Variants in SLCO3A1 observed in about 807,000 individuals in gnomAD.
SLCO3A1 encodes solute carrier organic anion transporter family member 3A1, also known as PGE1 transporter.
In SLCO3A1, 27 loss-of-function variants were observed where a neutral mutation model predicts 63.1. The ratio of observed to expected loss-of-function variants is 0.43; its 90% CI spans 0.32 to 0.59. The LOEUF (loss-of-function observed/expected upper bound fraction) is 0.59, where lower values mean the gene tolerates loss of function less well. SLCO3A1 is among the 20% of genes least tolerant of loss of function. The probability of loss-of-function intolerance (pLI) is 0.09; values close to 1 mark genes in which losing one functional copy is unlikely to be tolerated. For missense variants in SLCO3A1, 773 were observed against 945.8 expected (o/e 0.82, Z 2.40); for synonymous variants, 473 against 409.9 (o/e 1.15, Z -1.86).
intron 4 of SLCO3A1, among the ~76,000 whole-genome samples, chr15:92,112,646 C>T (rs190865301): frequency 2.0e-5 from 3 of 152,336 alleles, no homozygotes; most frequent in Admixed American, 2.0e-4. Flanking sequence ...CAGAGCTGGT[C>T]CTCCTGCATT....
In SLCO3A1 at chr15:92,138,534, G is replaced by A. The variant is rs2097851310; in HGVS notation, c.1513-8450G>A. Among the ~76,000 whole-genome samples, 6 of 110,908 alleles carry A rather than the reference G, an allele frequency of 5.4e-5. No homozygotes were observed. The South Asian group carries it at 1.6e-3, about 30-fold the overall frequency. 72.8% of individuals were successfully genotyped at this position (110,908 alleles called of 152,430 possible). A position where few individuals can be genotyped will look rare whatever the true frequency, so the allele number is the denominator to read the frequency against. ...AAGAAAGTCATTGGTAGCTTGATGG[G>A]GATGGCATTGAATCTATAAATTACC... On this transcript the variant is annotated intron_variant, in intron 7 of 9. Coordinates refer to ENST00000318445, the MANE Select transcript of SLCO3A1 (RefSeq NM_013272.4).
In SLCO3A1 at chr15:91,854,424, TCTC is replaced by T. The variant is rs1470267178; in HGVS notation, c.180+339_180+341del. ...CGGAGCGAGACGGTGAGTTCAGGGT[TCTC>T]CTTGGAGAGGAACGAAAAAGCGTCG... On this transcript the variant is annotated intron_variant, in intron 1 of 9. Transcript: ENST00000318445. The surrounding 1 kb of genome is among the most constrained non-coding windows in gnomAD (Gnocchi z 6.4). The T allele has an allele frequency of 9.9e-7, 1 of 1,012,476 alleles. No homozygotes were observed. Among genetic ancestry groups the T allele is most frequent in the Non-Finnish European group, 1.2e-6 (1 of 843,348 alleles). 62.7% of individuals were successfully genotyped at this position (1,012,476 alleles called of 1,614,324 possible). A position where few individuals can be genotyped will look rare whatever the true frequency, so the allele number is the denominator to read the frequency against.
intron 4 of SLCO3A1, among the ~76,000 whole-genome samples, chr15:92,113,494 G>A (rs1468144059): frequency 6.6e-6 from 1 of 152,192 alleles, no homozygotes; most frequent in African/African-American, 2.4e-5. Context: ...GCCACAAGGT[G>A]CAAAGGAAGC....
intron 7 of SLCO3A1, among the ~76,000 whole-genome samples, chr15:92,145,999 A>G (rs740432): frequency 0.39 from 59,214 of 151,884 alleles, 12,024 homozygotes; most frequent in African/African-American, 0.5. Flanking sequence ...GGAGGACCAG[A>G]GGAGGAGAAC....
chr15:91,881,771 A>G (rs1277582739), intron 1 of SLCO3A1, among the ~76,000 whole-genome samples: 1 of 152,172 alleles, frequency 6.6e-6, no homozygotes, highest in Non-Finnish European at 1.5e-5. Flanking sequence ...CAGGAAGGGA[A>G]ACACGAACAC....
intron 2 of SLCO3A1, among the ~76,000 whole-genome samples, chr15:92,020,960 C>T (rs1411074217): frequency 2.0e-5 from 3 of 152,214 alleles, no homozygotes; most frequent in African/African-American, 7.2e-5. Context: ...TGTGTGATCT[C>T]ATGTAAGTTG....
At chr15:91,936,013 A>G (rs1899400123) in intron 2 of SLCO3A1, among the ~76,000 whole-genome samples, 1 of 152,188 alleles carries the variant, frequency 6.6e-6, no homozygotes, top group South Asian at 2.1e-4. Context: ...AGGAGTCACA[A>G]GTGGGTTAGT....
intron 2 of SLCO3A1, among the ~76,000 whole-genome samples, chr15:92,051,869 T>C (rs2046962111): frequency 6.6e-6 from 1 of 152,204 alleles, no homozygotes; most frequent in African/African-American, 2.4e-5. Flanking sequence ...GGTTAGATGC[T>C]CTTTGTAATT....
Position 92,163,230 on chromosome 15 carries a change from TACACACACACAGGCACAGATGC to T in SLCO3A1, c.*104_*125del. 1.4e-6 allele frequency: 2 copies of T among 1,441,300 alleles called. No homozygotes were observed. Among genetic ancestry groups the T allele is most frequent in the East Asian group, 5.0e-5 (2 of 40,224 alleles). 89.3% of individuals were successfully genotyped at this position (1,441,300 alleles called of 1,614,324 possible). A position where few individuals can be genotyped will look rare whatever the true frequency, so the allele number is the denominator to read the frequency against. On this transcript the variant is annotated 3_prime_UTR_variant, in exon 10 of 10. Transcript: ENST00000318445. ...GGTTCCAAAAAAAACCAAAACTCAG[TACACACACACAGGCACAGATGC>T]ACACACACGCAGACAGACACACCGA...
At chr15:92,017,337 A>T (rs759713168) in intron 2 of SLCO3A1, among the ~76,000 whole-genome samples, 61 of 151,946 alleles carry the variant, frequency 4.0e-4, no homozygotes, top group Non-Finnish European at 7.9e-4. Flanking sequence ...AAGTAGCAAA[A>T]GGAAGCAGGG....
rs1270996075 is a variant in SLCO3A1, at chr15:91,948,545, G to T, written c.646+32087G>T. Among the ~76,000 whole-genome samples the T allele has an allele frequency of 6.6e-6, 1 of 152,242 alleles. No individual in the cohort carries two copies. Among genetic ancestry groups the T allele is most frequent in the East Asian group, 1.9e-4 (1 of 5,198 alleles). On this transcript the variant is annotated intron_variant, in intron 2 of 9. Transcript: ENST00000318445. The surrounding 1 kb of genome is among the most constrained non-coding windows in gnomAD (Gnocchi z 4.8). ...TCCCAAGGAAGTGCAAGTCAGGAGA[G>T]GGCCGAATGTGCACGAGACTCTGCA...
chr15:92,160,042 AT>A, intron 9 of SLCO3A1, among the ~76,000 whole-genome samples: 1 of 152,242 alleles, frequency 6.6e-6, no homozygotes, highest in East Asian at 1.9e-4. Flanking sequence ...GCAGCAAAGC[AT>A]TTACTAGAGG....
chr15:92,037,290 G>A (rs928182856), intron 2 of SLCO3A1, among the ~76,000 whole-genome samples: 3 of 152,134 alleles, frequency 2.0e-5, no homozygotes, highest in Non-Finnish European at 4.4e-5. Context: ...GCTTGTCCTG[G>A]AGGATTCATG....
intron 4 of SLCO3A1, among the ~76,000 whole-genome samples, chr15:92,106,109 T>C (rs1266607485): frequency 1.3e-5 from 2 of 152,242 alleles, no homozygotes; most frequent in African/African-American, 4.8e-5. Flanking sequence ...GAAGACTGTC[T>C]GTTAATCGTA....
At chr15:92,167,446 A>G (rs2048499576), downstream of SLCO3A1, among the ~76,000 whole-genome samples, 3 of 152,174 alleles carry the variant, frequency 2.0e-5, no homozygotes, top group South Asian at 6.2e-4. Context: ...TTAGTTCAAG[A>G]CCCAAATATA....
chr15:92,110,792 G>A (rs1016210427), intron 4 of SLCO3A1, among the ~76,000 whole-genome samples: 1 of 152,292 alleles, frequency 6.6e-6, no homozygotes, highest in East Asian at 1.9e-4. Flanking sequence ...ATAGGGGAGG[G>A]AGTAAATGGA....
chr15:91,957,043 A>ATATATAT (rs1900231665), intron 2 of SLCO3A1, among the ~76,000 whole-genome samples: 1 of 10,514 alleles, frequency 9.5e-5, no homozygotes, highest in African/African-American at 7.9e-4. Context: ...AATATATAGT[A>ATATATAT]TATATATAAT....
intron 2 of SLCO3A1, among the ~76,000 whole-genome samples, chr15:92,041,476 GT>G (rs527743023): frequency 2.6e-5 from 4 of 152,182 alleles, no homozygotes; most frequent in Non-Finnish European, 1.5e-5. Flanking sequence ...AAGTTATGCA[GT>G]TTTTTTGTAT....
intron 3 of SLCO3A1, among the ~76,000 whole-genome samples, chr15:92,099,879 T>G (rs969572590): frequency 3.3e-5 from 5 of 152,010 alleles, no homozygotes; most frequent in Non-Finnish European, 7.4e-5. Context: ...CCAGCCAATA[T>G]GGTGAAACCC....
Sources: gnomAD v4.1 joint callset for allele counts (sites outside exome capture counted in the v4.1 genomes callset) on GRCh38, gnomAD v4.1.1 for gene constraint, Gnocchi (gnomAD v3.1) non-coding constraint, MANE v1.5 for transcripts, NCBI Gene and HGNC (gene_info 2026-07-23, HGNC 2026-07-21) for gene names.